The following CCDC13 variants were observed in gnomAD, a reference collection of about 807,000 sequenced individuals.
The protein encoded by CCDC13 is coiled-coil domain-containing protein 13.
CCDC13 carries 70 observed loss-of-function variants against 87.3 expected under a neutral mutation model. The observed-to-expected ratio is 0.80, with a 90% confidence interval of 0.66 to 0.98. The LOEUF (loss-of-function observed/expected upper bound fraction) is 0.98, where lower values mean the gene tolerates loss of function less well. Ranked by LOEUF, CCDC13 falls within the 50% of genes least tolerant of loss-of-function variation. CCDC13 has a pLI of 0.00. For missense variants in CCDC13, 842 were observed against 892.0 expected, an observed-to-expected ratio of 0.94 and a Z score of 0.71; for synonymous variants, 317 against 360.3, an observed-to-expected ratio of 0.88 and a Z score of 1.36.
chr3:42,721,268 T>C (rs1378421869), intron 13 of CCDC13, among the ~76,000 whole-genome samples: 1 of 152,236 alleles, frequency 6.6e-6, no homozygotes. Flanking sequence ...TCATCTACAA[T>C]TGTTGTCCTG....
intron 12 of CCDC13, chr3:42,732,467 G>C: frequency 5.3e-6 from 1 of 189,662 alleles, no homozygotes; most frequent in South Asian, 1.1e-4. Flanking sequence ...TAGGAACAAA[G>C]GGCCCATTTA....
chr3:42,758,528 C>T (rs1699761014), intron 1 of CCDC13, among the ~76,000 whole-genome samples, 177 bp from the exon 2 acceptor site: 1 of 152,220 alleles, frequency 6.6e-6, no homozygotes, highest in African/African-American at 2.4e-5. Context: ...CAAGGTTGAA[C>T]TGAGCATCCT....
chr3:42,738,990 T>C (rs1699121290), intron 9 of CCDC13, among the ~76,000 whole-genome samples: 2 of 152,232 alleles, frequency 1.3e-5, no homozygotes, highest in South Asian at 4.1e-4. Flanking sequence ...CCTGTGCTGG[T>C]TTTCAAAGGG....
In CCDC13 at chr3:42,706,339, G is replaced by A. The variant is rs1473157580; in HGVS notation, c.*2641C>T. 1 of 152,292 alleles carries A rather than the reference G, an allele frequency of 6.6e-6. No homozygotes were observed. Among genetic ancestry groups the A allele is most frequent in the African/African-American group, 2.4e-5 (1 of 41,468 alleles). The allele number at this position is 152,292 out of a possible 1,614,324, so 9.4% of individuals were successfully genotyped here. A position where few individuals can be genotyped will look rare whatever the true frequency, so the allele number is the denominator to read the frequency against. ...TCAACAAGTTCTGGTTGAACAAATG[G>A]AGGGAACACTAAGAGCGAATAATTA... On this transcript the variant is annotated 3_prime_UTR_variant, in exon 16 of 16. Coordinates refer to ENST00000310232, the MANE Select transcript of CCDC13 (RefSeq NM_144719.4).
intron 1 of CCDC13, among the ~76,000 whole-genome samples, chr3:42,762,509 G>C (rs1359289021): frequency 1.3e-5 from 2 of 152,172 alleles, no homozygotes; most frequent in African/African-American, 2.4e-5. Context: ...AAGGTCAACT[G>C]TACCTACGTA....
chr3:42,766,199 C>T (rs1033587281), intron 1 of CCDC13, among the ~76,000 whole-genome samples: 1 of 152,076 alleles, frequency 6.6e-6, no homozygotes, highest in Non-Finnish European at 1.5e-5. Flanking sequence ...ACGCTGCAGA[C>T]AAGGTGGTGG....
chr3:42,770,080 G>A lies in CCDC13; in HGVS notation c.-7+3096C>T, dbSNP rs190422199. Among the ~76,000 whole-genome samples the A allele has an allele frequency of 1.6e-3, 243 of 152,376 alleles. 1 individual carries two copies. The highest frequency in any genetic ancestry group is 5.5e-3 in the African/African-American group (229 of 41,592). ...CACAGCGGGACTGGCCGGCACCTCCGCCTGGGGCCCTGGTGCAGGATCCAC... is the reference window on the plus strand; with the variant it reads ...CACAGCGGGACTGGCCGGCACCTCCACCTGGGGCCCTGGTGCAGGATCCAC... On this transcript the variant is annotated intron_variant, in intron 1 of 15. Transcript: ENST00000310232.
chr3:42,746,826 C>A, intron 6 of CCDC13: 1 of 269,202 alleles, frequency 3.7e-6, no homozygotes, highest in Non-Finnish European at 7.3e-6. Flanking sequence ...CACAAGTAAC[C>A]TATTCATTTT....
rs1049662284 is a variant in CCDC13 at position 42,713,268 on chromosome 3, C to T, written c.1767G>A (p.Gln589=). 2 of 1,614,056 alleles carry T rather than the reference C, an allele frequency of 1.2e-6. No individual in the cohort carries two copies. Among genetic ancestry groups the T allele is most frequent in the East Asian group, 4.5e-5 (2 of 44,892 alleles). ...GCACCACGGTGCGGTGTCGCTCCTC[C>T]TGCAGCTTCCTCTCTGACTCCAGGA... is the stretch of plus-strand genomic sequence containing the variant. ...SKLLESERKL[Q]EERHRTVVLE... The change falls in exon 14 of 16, where the codon CAG becomes CAA. Residue 589 remains glutamine (Q), a synonymous_variant. Coordinates refer to ENST00000310232, the MANE Select transcript of CCDC13 (RefSeq NM_144719.4).
Position 42,750,949 on chromosome 3 carries a change from C to T in CCDC13, c.603+987G>A, listed in dbSNP as rs77199221. On this transcript the variant is annotated intron_variant, in intron 5 of 15. Transcript: ENST00000310232. Reference sequence around the variant, plus strand: ...GAAAGGCCCTGAAGAATACTCAGCCCCTGTAGAGGGCAGAGCCCCTCTTCT... The same window carrying T: ...GAAAGGCCCTGAAGAATACTCAGCCTCTGTAGAGGGCAGAGCCCCTCTTCT... Among the ~76,000 whole-genome samples, 23 of 150,354 alleles carry T rather than the reference C, an allele frequency of 1.5e-4. 1 individual carries two copies. The East Asian group carries it at 3.8e-3, about 25-fold the overall frequency.
chr3:42,747,102 A>G (rs779110293), intron 6 of CCDC13, 155 bp downstream of exon 6: 9 of 766,156 alleles, frequency 1.2e-5, no homozygotes, highest in Non-Finnish European at 1.9e-5. Flanking sequence ...GGCTGGTGGG[A>G]GGAAGGACTG....
chr3:42,771,409 G>A (rs558345107), intron 1 of CCDC13, among the ~76,000 whole-genome samples: 36 of 152,172 alleles, frequency 2.4e-4, no homozygotes, highest in African/African-American at 8.4e-4. Flanking sequence ...CTTTACTGGT[G>A]GATACACAGC....
At chr3:42,735,101 A>T (rs927884116) in intron 10 of CCDC13, among the ~76,000 whole-genome samples, 7 of 152,166 alleles carry the variant, frequency 4.6e-5, no homozygotes, top group Non-Finnish European at 7.4e-5. Flanking sequence ...AACACAGAAC[A>T]GGGGTCCTGG....
At chr3:42,721,922 C>G (rs1481761320) in intron 13 of CCDC13, among the ~76,000 whole-genome samples, 1 of 152,176 alleles carries the variant, frequency 6.6e-6, no homozygotes, top group African/African-American at 2.4e-5. Flanking sequence ...AAATCTGGAA[C>G]AGTATTCTAA....
Position 42,767,086 on chromosome 3 carries a change from A to T in CCDC13, c.-7+6090T>A, listed in dbSNP as rs531835889. 3.9e-5 allele frequency among the ~76,000 whole-genome samples: 6 copies of T among 152,268 alleles called. No homozygotes were observed. In the South Asian group the frequency reaches 1.2e-3, roughly 32 times the overall value. The stretch of plus-strand genomic sequence containing the variant: ...ATAAGCCAAGAAAAGGAAATAAAAG[A>T]TATATATTTTGGAAAGGAAGAAATA... On this transcript the variant is annotated intron_variant, in intron 1 of 15. Transcript: ENST00000310232.
intron 1 of CCDC13, among the ~76,000 whole-genome samples, chr3:42,770,050 G>C (rs549011761): frequency 6.6e-6 from 1 of 152,252 alleles, no homozygotes; most frequent in African/African-American, 2.4e-5. Flanking sequence ...TGAGGAGTGC[G>C]GGCACACAGC....
intron 7 of CCDC13, 49 bp downstream of exon 7, chr3:42,745,874 T>A (rs763190225): frequency 1.4e-6 from 2 of 1,457,598 alleles, no homozygotes; most frequent in Admixed American, 1.7e-5. Context: ...CTTTCTGGGG[T>A]GTTTTAAATC....
chr3:42,751,932 A>G lies in CCDC13; in HGVS notation c.603+4T>C, dbSNP rs768371873. On this transcript the variant is annotated splice_donor_region_variant and intron_variant, in intron 5 of 15. Transcript: ENST00000310232. Reference sequence around the variant, plus strand: ...GACTTCCCAGCACAGAAGAGAATTCATACCAATGCTCTGTCTCCCATCTGG... The same window carrying G: ...GACTTCCCAGCACAGAAGAGAATTCGTACCAATGCTCTGTCTCCCATCTGG... The G allele has an allele frequency of 3.7e-6, 6 of 1,611,088 alleles. No individual in the cohort carries two copies. In the East Asian group the frequency reaches 1.1e-4, roughly 30 times the overall value.
chr3:42,718,554 C>T (rs1698484559), intron 13 of CCDC13, among the ~76,000 whole-genome samples: 1 of 152,122 alleles, frequency 6.6e-6, no homozygotes, highest in Admixed American at 6.5e-5. Flanking sequence ...TCCAAGAACC[C>T]TCTCTTGGGG....
Sources: allele counts gnomAD v4.1 joint callset (sites outside exome capture counted in the v4.1 genomes callset), GRCh38; gene constraint gnomAD v4.1.1; transcripts MANE v1.5; gene names NCBI Gene and HGNC (gene_info 2026-07-23, HGNC 2026-07-21).